The following TSPAN18 variants were observed in gnomAD, a reference collection of about 807,000 sequenced individuals.
TSPAN18 encodes tetraspanin 18, also known as tetraspanin-18.
In TSPAN18, 14 loss-of-function variants were observed where a neutral mutation model predicts 27.3. The ratio of observed to expected loss-of-function variants is 0.51; its 90% CI spans 0.34 to 0.80. The LOEUF is 0.80. Among genes scored for constraint, TSPAN18 ranks in the 30% least tolerant of loss-of-function variants. The probability of loss-of-function intolerance (pLI) is 0.01; values close to 1 mark genes in which losing one functional copy is unlikely to be tolerated. For synonymous variants in TSPAN18, 143 were observed against 136.5 expected (o/e 1.05, Z -0.33); for missense variants, 268 against 323.9 (o/e 0.83, Z 1.32).
intron 2 of TSPAN18, among the ~76,000 whole-genome samples, chr11:44,849,606 T>A (rs1857555792): frequency 6.6e-6 from 1 of 152,124 alleles, no homozygotes; most frequent in Admixed American, 6.5e-5. Flanking sequence ...CCAACAGCAG[T>A]TCCCCTGGAG....
chr11:44,760,092 G>A (rs1332603404), intron 1 of TSPAN18, among the ~76,000 whole-genome samples: 1 of 152,018 alleles, frequency 6.6e-6, no homozygotes, highest in Non-Finnish European at 1.5e-5. Context: ...TTTTACTGTG[G>A]GGTCTTTGCA....
At chr11:44,905,469 A>T (rs1203251178) in intron 3 of TSPAN18, among the ~76,000 whole-genome samples, 1 of 152,050 alleles carries the variant, frequency 6.6e-6, no homozygotes, top group Non-Finnish European at 1.5e-5. Flanking sequence ...CGGTTTCCCC[A>T]CCTGTCTCAT....
intron 1 of TSPAN18, among the ~76,000 whole-genome samples, chr11:44,747,879 C>T (rs1295553376): frequency 6.6e-6 from 1 of 152,202 alleles, no homozygotes; most frequent in African/African-American, 2.4e-5. Flanking sequence ...TACACACACA[C>T]ACAAACACGT....
intron 2 of TSPAN18, among the ~76,000 whole-genome samples, chr11:44,827,498 A>G (rs1298278128): frequency 6.6e-6 from 1 of 152,214 alleles, no homozygotes; most frequent in East Asian, 1.9e-4. Context: ...GGGAGGCAGC[A>G]TAGCCAGGGC....
chr11:44,905,124 A>G (rs542388184), intron 3 of TSPAN18, among the ~76,000 whole-genome samples: 1 of 152,254 alleles, frequency 6.6e-6, no homozygotes, highest in Admixed American at 6.5e-5. Flanking sequence ...TGATGCTTTG[A>G]TACACATTTT....
intron 2 of TSPAN18, among the ~76,000 whole-genome samples, chr11:44,856,517 T>C (rs1456953389): frequency 6.6e-6 from 1 of 152,160 alleles, no homozygotes; most frequent in Non-Finnish European, 1.5e-5. Flanking sequence ...CTCACTCCTC[T>C]GAATTCATAA....
chr11:44,756,685 G>C (rs1478972371), intron 1 of TSPAN18, among the ~76,000 whole-genome samples: 1 of 152,046 alleles, frequency 6.6e-6, no homozygotes, highest in East Asian at 1.9e-4. Flanking sequence ...TTTGTGACTG[G>C]CTTTCTAAAA....
chr11:44,863,130 CAGA>C (rs1857941344), intron 3 of TSPAN18, among the ~76,000 whole-genome samples: 1 of 152,094 alleles, frequency 6.6e-6, no homozygotes, highest in African/African-American at 2.4e-5. Context: ...GTTCAGAGGC[CAGA>C]AGGAGATGTT....
At chr11:44,917,520 G>C (rs887091364) in intron 5 of TSPAN18, 1 of 154,958 alleles carries the variant, frequency 6.5e-6, no homozygotes, top group Non-Finnish European at 1.4e-5. Flanking sequence ...GAGGCAGTGG[G>C]GCAGGGAGAG....
At chr11:44,738,628 C>T (rs1854856218) in intron 1 of TSPAN18, among the ~76,000 whole-genome samples, 1 of 152,148 alleles carries the variant, frequency 6.6e-6, no homozygotes, top group Non-Finnish European at 1.5e-5. Flanking sequence ...ACTTTCTCAC[C>T]GTGTCCTCGC....
Position 44,828,895 on chromosome 11 carries a change from C to G in TSPAN18, c.-152-31433C>G, listed in dbSNP as rs549775748. 7.9e-5 allele frequency among the ~76,000 whole-genome samples: 12 copies of G among 152,312 alleles called. No homozygotes were observed. The South Asian group carries it at 2.5e-3, about 32-fold the overall frequency. On this transcript the variant is annotated intron_variant, in intron 2 of 9. Coordinates refer to ENST00000520358, the MANE Select transcript of TSPAN18 (RefSeq NM_130783.5). ...CTTGAATCTACCCTCTTCTCTCCAT[C>G]ACGACCCTTGTGGAAGCCACCACTA...
intron 3 of TSPAN18, among the ~76,000 whole-genome samples, chr11:44,901,989 C>T (rs190449390): frequency 6.6e-6 from 1 of 152,322 alleles, no homozygotes; most frequent in Non-Finnish European, 1.5e-5. Context: ...CTTTCCTATC[C>T]TCTTTTCCCT....
intron 2 of TSPAN18, among the ~76,000 whole-genome samples, chr11:44,782,181 G>A (rs768137148): frequency 3.3e-5 from 5 of 152,206 alleles, no homozygotes; most frequent in Admixed American, 6.5e-5. Flanking sequence ...GTGAACACAT[G>A]CCTTACTTTG....
intron 2 of TSPAN18, among the ~76,000 whole-genome samples, chr11:44,854,660 A>G (rs1236641858): frequency 1.3e-5 from 2 of 152,148 alleles, no homozygotes; most frequent in Non-Finnish European, 2.9e-5. Context: ...TTAGGACTGG[A>G]TTTAATAACC....
intron 2 of TSPAN18, among the ~76,000 whole-genome samples, chr11:44,830,771 A>G (rs1409222406): frequency 2.0e-5 from 3 of 152,218 alleles, no homozygotes; most frequent in African/African-American, 7.2e-5. Context: ...AAGATACCAG[A>G]GAGTGGTGGG....
chr11:44,791,589 C>G (rs1232175771), intron 2 of TSPAN18, among the ~76,000 whole-genome samples: 1 of 152,184 alleles, frequency 6.6e-6, no homozygotes, highest in African/African-American at 2.4e-5. Flanking sequence ...TCAGAGGCAT[C>G]CTAGTCACTT....
intron 2 of TSPAN18, among the ~76,000 whole-genome samples, chr11:44,831,989 CA>C (rs1322138330): frequency 1.3e-5 from 2 of 152,030 alleles, no homozygotes; most frequent in Non-Finnish European, 2.9e-5. Flanking sequence ...GCTCAGAGTT[CA>C]AGGAACAGTA....
At chr11:44,773,294 T>C (rs1308749692) in intron 2 of TSPAN18, among the ~76,000 whole-genome samples, 1 of 151,976 alleles carries the variant, frequency 6.6e-6, no homozygotes, top group Non-Finnish European at 1.5e-5. Context: ...CACATGCCTG[T>C]AATCCCAGCT....
intron 1 of TSPAN18, among the ~76,000 whole-genome samples, chr11:44,745,709 T>G (rs746493790): frequency 7.2e-5 from 11 of 152,162 alleles, no homozygotes; most frequent in Non-Finnish European, 1.2e-4. Flanking sequence ...TCTGTTATAC[T>G]TCAACGAAAA....
Sources: gnomAD v4.1 joint callset for allele counts (sites outside exome capture counted in the v4.1 genomes callset) on GRCh38, gnomAD v4.1.1 for gene constraint, MANE v1.5 for transcripts, NCBI Gene and HGNC (gene_info 2026-07-23, HGNC 2026-07-21) for gene names.